CENPC: variants seen among roughly 807,000 people sequenced by gnomAD.
CENPC encodes CENP-C 1.
A neutral mutation model predicts 112.1 loss-of-function variants in CENPC; 63 were observed. That is an observed-to-expected ratio of 0.56 (90% confidence interval 0.46 to 0.69). CENPC has a LOEUF of 0.69. CENPC is among the 30% of genes least tolerant of loss of function. CENPC has a pLI of 0.00. For synonymous variants in CENPC, 333 were observed against 367.6 expected (o/e 0.91, Z 1.08); for missense variants, 1,000 against 1,103.8 (o/e 0.91, Z 1.33).
intron 7 of CENPC, among the ~76,000 whole-genome samples, chr4:67,515,871 G>A (rs920657281): frequency 6.6e-6 from 1 of 151,992 alleles, no homozygotes; most frequent in Non-Finnish European, 1.5e-5. Flanking sequence ...GCTACAGAAT[G>A]TTATTAAATA....
At chr4:67,491,470 TATATATATATAGAGAGAGAGAGAG>T (rs1476499284) in intron 16 of CENPC, among the ~76,000 whole-genome samples, 10 of 47,450 alleles carry the variant, frequency 2.1e-4, no homozygotes, top group South Asian at 1.0e-3. Context: ...TATATATATA[TATATATATATAGAGAGAGAGAGAG>T]AGAGAGAGAG....
At chr4:67,490,837 A>AATATATATATATAT (rs57498869) in intron 16 of CENPC, among the ~76,000 whole-genome samples, 2 of 57,110 alleles carry the variant, frequency 3.5e-5, no homozygotes, top group African/African-American at 1.2e-4. Flanking sequence ...TATAGAAATA[A>AATATATATATATAT]ATATATATAT....
chr4:67,503,036 C>T (rs2109790257), intron 12 of CENPC, among the ~76,000 whole-genome samples: 1 of 152,292 alleles, frequency 6.6e-6, no homozygotes, highest in Admixed American at 6.5e-5. Flanking sequence ...CAACTCCTAA[C>T]ACAGGAGCTG....
At chr4:67,487,911 A>G (rs944564038) in intron 17 of CENPC, among the ~76,000 whole-genome samples, 3 of 151,690 alleles carry the variant, frequency 2.0e-5, no homozygotes, top group Non-Finnish European at 4.4e-5. Flanking sequence ...CCTGTTTATT[A>G]TCTTTTTCAA....
rs1480461236 is a variant in CENPC at position 67,509,046 on chromosome 4, G to A, written c.1672C>T (p.Arg558Ter). The A allele has an allele frequency of 3.7e-6, 6 of 1,611,120 alleles. No individual in the cohort carries two copies. Among genetic ancestry groups the A allele is most frequent in the African/African-American group, 1.3e-5 (1 of 74,732 alleles). Residue 558 changes from arginine to a stop codon, truncating the protein, a stop_gained, in exon 10 of 19, where the codon CGA (arginine) becomes TGA (stop). Transcript: ENST00000273853. LOFTEE classifies it high-confidence loss of function. ...TGATTTGTTTTCTTAGTAGATTTTC[G>A]GCTACTATTGTGATGCATTGGTAAT... is the stretch of plus-strand genomic sequence containing the variant. ...NELPMHHNSS[R>*]KSTKKTNQSS...
At chr4:67,488,697 C>T (rs958682460) in intron 17 of CENPC, among the ~76,000 whole-genome samples, 8 of 151,702 alleles carry the variant, frequency 5.3e-5, no homozygotes, top group Non-Finnish European at 1.0e-4. Flanking sequence ...TCATGTTTAT[C>T]CTCATTATTA....
intron 12 of CENPC, among the ~76,000 whole-genome samples, chr4:67,504,295 A>T (rs1725676004): frequency 6.6e-6 from 1 of 152,122 alleles, no homozygotes; most frequent in South Asian, 2.1e-4. Context: ...TACTGAGGGA[A>T]ATTGAATGCT....
chr4:67,523,161 A>C (rs1726276805), intron 5 of CENPC, among the ~76,000 whole-genome samples: 2 of 151,784 alleles, frequency 1.3e-5, no homozygotes, highest in African/African-American at 4.8e-5. Flanking sequence ...AAAACACAAA[A>C]AATTAGATGA....
Position 67,472,436 on chromosome 4 carries a change from G to GA in CENPC, c.*168dup, listed in dbSNP as rs1328434634. 1.8e-5 allele frequency: 16 copies of GA among 890,326 alleles called. No homozygotes were observed. The highest frequency in any genetic ancestry group is 4.0e-5 in the East Asian group (1 of 24,980). The allele number at this position is 890,326 out of a possible 1,614,324, so 55.2% of individuals were successfully genotyped here. A position where few individuals can be genotyped will look rare whatever the true frequency, so the allele number is the denominator to read the frequency against. On this transcript the variant is annotated 3_prime_UTR_variant, in exon 19 of 19. Coordinates refer to ENST00000273853, the MANE Select transcript of CENPC (RefSeq NM_001812.4). ...ATTATGTACAGTCACTGAAAAATCAGAAAAAACATGTGAGTTAGAAATGTT... is the reference window on the plus strand; with the variant it reads ...ATTATGTACAGTCACTGAAAAATCAGAAAAAAACATGTGAGTTAGAAATGTT...
At chr4:67,538,372 T>C (rs1434406093) in intron 4 of CENPC, among the ~76,000 whole-genome samples, 1 of 152,168 alleles carries the variant, frequency 6.6e-6, no homozygotes, top group Admixed American at 6.5e-5. Context: ...GCACAATGTC[T>C]TAAAAGGGAC....
intron 5 of CENPC, among the ~76,000 whole-genome samples, chr4:67,520,782 CGGGT>C (rs1030489428): frequency 6.6e-6 from 1 of 152,086 alleles, no homozygotes; most frequent in African/African-American, 2.4e-5. Flanking sequence ...GAGGCCAAAA[CGGGT>C]GGATCACTGG....
chr4:67,543,563 C>T (rs186847820), intron 2 of CENPC, among the ~76,000 whole-genome samples: 55 of 152,264 alleles, frequency 3.6e-4, no homozygotes, highest in African/African-American at 1.3e-3. Context: ...TGTACATATA[C>T]ATTTTCCCAA....
At position 67,492,927 on chromosome 4, in the gene CENPC, A is replaced by G; in HGVS notation, c.2361T>C (p.Ile787=). 1 of 1,564,818 alleles carries G rather than the reference A, an allele frequency of 6.4e-7. No individual in the cohort carries two copies. The highest frequency in any genetic ancestry group is 8.7e-7 in the Non-Finnish European group (1 of 1,152,550). The part of the protein sequence containing the change: ...ISSKRKAKEN[I]GKVNKKSNKK... Reference sequence around the variant, plus strand: ...TATTAGATTTTTTGTTGACTTTTCCAATATTTTCTTTTGCCTTCCTTTTAG... The same window carrying G: ...TATTAGATTTTTTGTTGACTTTTCCGATATTTTCTTTTGCCTTCCTTTTAG... The change falls in exon 15 of 19, where the codon ATT becomes ATC. Residue 787 remains isoleucine, a synonymous_variant. Coordinates refer to ENST00000273853, the MANE Select transcript of CENPC (RefSeq NM_001812.4).
At chr4:67,473,847 T>C (rs540114134) in intron 18 of CENPC, among the ~76,000 whole-genome samples, 3 of 152,270 alleles carry the variant, frequency 2.0e-5, no homozygotes, top group Admixed American at 1.3e-4. Context: ...ACCTGGCCCA[T>C]AGTAGTCTCT....
chr4:67,499,283 T>C (rs1165842264), intron 12 of CENPC, among the ~76,000 whole-genome samples: 1 of 152,230 alleles, frequency 6.6e-6, no homozygotes, highest in East Asian at 1.9e-4. Context: ...ATGCATTGAC[T>C]TCTCCTCAGC....
chr4:67,541,071 C>G, intron 2 of CENPC, 21 bp from the exon 3 acceptor site: 2 of 1,535,564 alleles, frequency 1.3e-6, no homozygotes, highest in Admixed American at 1.8e-5. Flanking sequence ...AAAAATACAG[C>G]CTGTCATTTT....
chr4:67,536,868 C>G (rs1009481438), intron 4 of CENPC, among the ~76,000 whole-genome samples: 3 of 149,700 alleles, frequency 2.0e-5, no homozygotes, highest in Non-Finnish European at 3.0e-5. Flanking sequence ...ATTGATAAAC[C>G]CTGACAAAAT....
rs538753623 is a variant in CENPC at position 67,514,461 on chromosome 4, T to G, written c.1057A>C (p.Ile353Leu). ...GRKSREKHHN[I>L]LPKTLANDKH... ...TCATTTGCCAAAGTCTTAGGTAATA[T>G]ATTATGATGCTTTTCTCTTGACTTT... The change falls in exon 8 of 19, where the codon ATA becomes CTA. Residue 353 changes from isoleucine (I) to leucine (L), a missense_variant. Transcript: ENST00000273853. The G allele has an allele frequency of 4.6e-5, 74 of 1,613,614 alleles. No individual in the cohort carries two copies. In the South Asian group the frequency reaches 7.9e-4, roughly 17 times the overall value.
intron 17 of CENPC, among the ~76,000 whole-genome samples, chr4:67,485,360 C>T (rs1040454906): frequency 6.6e-6 from 1 of 152,130 alleles, no homozygotes; most frequent in African/African-American, 2.4e-5. Flanking sequence ...CTGGCAGTGA[C>T]CTGGTTTTTT....
Sources: allele counts gnomAD v4.1 joint callset (sites outside exome capture counted in the v4.1 genomes callset), GRCh38; gene constraint gnomAD v4.1.1; transcripts MANE v1.5; gene names NCBI Gene and HGNC (gene_info 2026-07-23, HGNC 2026-07-21).